The following MAGI1 variants were observed in gnomAD, a reference collection of about 807,000 sequenced individuals.
The protein encoded by MAGI1 is membrane associated guanylate kinase, WW and PDZ domain containing 1, also known as membrane-associated guanylate kinase, WW and PDZ domain-containing protein 1.
A neutral mutation model predicts 139.9 loss-of-function variants in MAGI1; 58 were observed. The ratio of observed to expected loss-of-function variants is 0.41; its 90% CI spans 0.34 to 0.52. MAGI1 has a LOEUF of 0.52. MAGI1 is among the 20% of genes least tolerant of loss of function. The probability of loss-of-function intolerance (pLI) is 0.12; values close to 1 mark genes in which losing one functional copy is unlikely to be tolerated. For synonymous variants in MAGI1, 812 were observed against 737.9 expected, an observed-to-expected ratio of 1.10 and a Z score of -1.63; for missense variants, 1,874 against 1,901.6, an observed-to-expected ratio of 0.99 and a Z score of 0.27.
chr3:65,658,281 C>G (rs1481266525), intron 1 of MAGI1, among the ~76,000 whole-genome samples: 1 of 152,086 alleles, frequency 6.6e-6, no homozygotes, highest in Non-Finnish European at 1.5e-5. Context: ...TCACTGTTGA[C>G]TTTTAATAAG....
chr3:65,440,098 C>A, intron 8 of MAGI1, 86 bp from the exon 9 acceptor site: 1 of 1,452,814 alleles, frequency 6.9e-7, no homozygotes, highest in Non-Finnish European at 9.6e-7. Context: ...TGGAATCAAA[C>A]TGAGCAGAGC....
chr3:65,453,736 A>C (rs1240217221), intron 5 of MAGI1, among the ~76,000 whole-genome samples: 1 of 152,308 alleles, frequency 6.6e-6, no homozygotes, highest in East Asian at 1.9e-4. Context: ...TTGGATGCTG[A>C]AACTCACAAA....
rs934076752 is a variant in MAGI1 at position 65,361,184 on chromosome 3, C to T, written c.3634+15G>A. 3.1e-6 allele frequency: 5 copies of T among 1,614,020 alleles called. No individual in the cohort carries two copies. The highest frequency in any genetic ancestry group is 1.6e-4 in the Middle Eastern group (1 of 6,084). On this transcript the variant is annotated intron_variant, in intron 22 of 22. Transcript: ENST00000402939. ...ATGCCAGGGAAGGAAGGAATGTTTT[C>T]ATAGTTTGACCCACCATATTCTGGT...
chr3:65,846,563 T>G (rs556529465), intron 1 of MAGI1, among the ~76,000 whole-genome samples: 4 of 152,212 alleles, frequency 2.6e-5, no homozygotes, highest in African/African-American at 9.6e-5. Context: ...TTATAGTAAG[T>G]CTGAGTAGCA....
chr3:65,626,879 T>C (rs181351799), intron 1 of MAGI1, among the ~76,000 whole-genome samples: 1 of 152,238 alleles, frequency 6.6e-6, no homozygotes, highest in African/African-American at 2.4e-5. Context: ...TTGCCAATTA[T>C]TCAAGAGACA....
At chr3:65,534,588 T>C (rs139231192) in intron 2 of MAGI1, among the ~76,000 whole-genome samples, 2 of 152,226 alleles carry the variant, frequency 1.3e-5, no homozygotes, top group Admixed American at 6.5e-5. Context: ...TGCATAACCA[T>C]TCCATGCCAC....
intron 1 of MAGI1, among the ~76,000 whole-genome samples, chr3:65,748,453 T>C (rs1046099387): frequency 1.5e-4 from 23 of 152,170 alleles, no homozygotes; most frequent in African/African-American, 5.5e-4. Flanking sequence ...GTTAAGATTT[T>C]CTAAAACTGA....
intron 2 of MAGI1, among the ~76,000 whole-genome samples, chr3:65,620,562 T>A (rs2083609592): frequency 6.6e-6 from 1 of 152,202 alleles, no homozygotes; most frequent in African/African-American, 2.4e-5. Flanking sequence ...TGATAATCCC[T>A]GCCCTACCTA....
chr3:65,884,585 T>G (rs1320184660), intron 1 of MAGI1, among the ~76,000 whole-genome samples: 4 of 152,134 alleles, frequency 2.6e-5, no homozygotes, highest in African/African-American at 9.7e-5. Context: ...TGAACAAAGA[T>G]TTTCTTTTCT....
At chr3:65,385,065 G>A (rs762172662) in intron 14 of MAGI1, among the ~76,000 whole-genome samples, 4 of 152,126 alleles carry the variant, frequency 2.6e-5, no homozygotes, top group Non-Finnish European at 4.4e-5. Flanking sequence ...TCTAGAATTT[G>A]CCTATGATAT....
intron 1 of MAGI1, among the ~76,000 whole-genome samples, chr3:65,688,955 C>G (rs1463514730): frequency 2.0e-5 from 3 of 152,148 alleles, no homozygotes; most frequent in Non-Finnish European, 2.9e-5. Context: ...CTACACTATC[C>G]CTACTCTGGA....
chr3:65,831,120 T>A (rs896593417), intron 1 of MAGI1, among the ~76,000 whole-genome samples: 11 of 152,230 alleles, frequency 7.2e-5, no homozygotes, highest in African/African-American at 2.7e-4. Flanking sequence ...GAATTGGCAG[T>A]GTCCCTAACA....
intron 1 of MAGI1, among the ~76,000 whole-genome samples, chr3:65,629,839 A>AGTTCT (rs1485997417): frequency 6.6e-6 from 1 of 151,484 alleles, no homozygotes; most frequent in Non-Finnish European, 1.5e-5. Context: ...ATGCTGAAAA[A>AGTTCT]GTTCTAGAAA....
At chr3:65,818,263 G>C (rs1223445801) in intron 1 of MAGI1, among the ~76,000 whole-genome samples, 5 of 152,098 alleles carry the variant, frequency 3.3e-5, no homozygotes, top group Non-Finnish European at 5.9e-5. Flanking sequence ...TAGTTTCTAT[G>C]TCTGTCTCAA....
At chr3:65,977,363 G>A (rs192118354) in intron 1 of MAGI1, among the ~76,000 whole-genome samples, 18 of 152,208 alleles carry the variant, frequency 1.2e-4, no homozygotes, top group East Asian at 9.7e-4. Flanking sequence ...CCAGAACAGC[G>A]TATTCGAAAC....
At chr3:65,366,065 A>C (rs1941390432) in intron 18 of MAGI1, among the ~76,000 whole-genome samples, 1 of 152,162 alleles carries the variant, frequency 6.6e-6, no homozygotes, top group African/African-American at 2.4e-5. Context: ...ACCTGGGATC[A>C]AATCACCTTT....
intron 1 of MAGI1, among the ~76,000 whole-genome samples, chr3:65,759,065 C>CAAAAAAAAAAAAAAAAAA (rs200497203): frequency 1.4e-5 from 1 of 73,084 alleles, no homozygotes; most frequent in African/African-American, 5.5e-5. Context: ...AGGCCCAGTG[C>CAAAAAAAAAAAAAAAAAA]AAAAAAAAAA....
At chr3:65,587,403 T>C (rs1264968736) in intron 2 of MAGI1, among the ~76,000 whole-genome samples, 3 of 152,114 alleles carry the variant, frequency 2.0e-5, no homozygotes, top group Admixed American at 6.6e-5. Flanking sequence ...AGAACAGTTG[T>C]GTGGATACTC....
chr3:65,958,939 A>T (rs1438942397), intron 1 of MAGI1, among the ~76,000 whole-genome samples: 1 of 152,026 alleles, frequency 6.6e-6, no homozygotes, highest in African/African-American at 2.4e-5. Flanking sequence ...GTGAGCTGAG[A>T]TCGTGCCACT....
Sources: allele counts gnomAD v4.1 joint callset (sites outside exome capture counted in the v4.1 genomes callset), GRCh38; gene constraint gnomAD v4.1.1; transcripts MANE v1.5; gene names NCBI Gene and HGNC (gene_info 2026-07-23, HGNC 2026-07-21).